WWOX: variants seen among roughly 807,000 people sequenced by gnomAD.
WWOX encodes the protein WW domain-containing oxidoreductase.
WWOX carries 69 observed loss-of-function variants against 46.2 expected under a neutral mutation model. That is an observed-to-expected ratio of 1.49 (90% CI 1.23 to 1.82). The LOEUF is 1.82. Among genes scored for constraint, WWOX ranks in the 40% most tolerant of loss-of-function variants. The pLI is 0.00. For synonymous variants in WWOX, 359 were observed against 202.6 expected (o/e 1.77, Z -6.56); for missense variants, 919 against 542.6 (o/e 1.69, Z -6.89).
At chr16:78,918,751 T>G (rs1468695569) in intron 8 of WWOX, among the ~76,000 whole-genome samples, 2 of 152,140 alleles carry the variant, frequency 1.3e-5, no homozygotes, top group African/African-American at 4.8e-5. Context: ...TTTCAGAAAT[T>G]CCAGAATTAA....
At chr16:78,721,814 C>G (rs538356213) in intron 8 of WWOX, among the ~76,000 whole-genome samples, 17 of 152,284 alleles carry the variant, frequency 1.1e-4, no homozygotes, top group Admixed American at 5.9e-4. Flanking sequence ...TCCTTTCCTA[C>G]GAATAAAGAG....
At chr16:78,293,322 G>T (rs2079888646) in intron 5 of WWOX, among the ~76,000 whole-genome samples, 1 of 152,180 alleles carries the variant, frequency 6.6e-6, no homozygotes, top group South Asian at 2.1e-4. Flanking sequence ...AGGCATTAAG[G>T]GTTGATTATC....
intron 8 of WWOX, among the ~76,000 whole-genome samples, chr16:78,907,611 G>C (rs1051408344): frequency 3.9e-5 from 6 of 152,300 alleles, no homozygotes; most frequent in African/African-American, 1.4e-4. Context: ...GATGGGGCTA[G>C]GTTAGATCAG....
intron 8 of WWOX, among the ~76,000 whole-genome samples, chr16:78,570,528 G>A (rs1330445877): frequency 1.3e-5 from 2 of 151,904 alleles, no homozygotes; most frequent in Non-Finnish European, 2.9e-5. Flanking sequence ...TGCTCAGGCT[G>A]GTCTCATATG....
chr16:78,556,520 A>G (rs769033394), intron 8 of WWOX, among the ~76,000 whole-genome samples: 2 of 152,130 alleles, frequency 1.3e-5, no homozygotes, highest in Non-Finnish European at 2.9e-5. Flanking sequence ...CAATTAGAGT[A>G]CAATTATAAA....
At chr16:78,100,819 T>C (rs765784501) in intron 1 of WWOX, among the ~76,000 whole-genome samples, 11 of 152,324 alleles carry the variant, frequency 7.2e-5, no homozygotes, top group East Asian at 3.9e-4. Flanking sequence ...GTGCCTCTTA[T>C]ATCGGCACCT....
chr16:78,267,072 A>G (rs909336647), intron 5 of WWOX: 2 of 163,032 alleles, frequency 1.2e-5, no homozygotes, highest in East Asian at 1.7e-4. Flanking sequence ...TGCCACCAGC[A>G]TGTAAGAAGT....
intron 8 of WWOX, among the ~76,000 whole-genome samples, chr16:78,951,832 A>C (rs2046066399): frequency 6.6e-6 from 1 of 152,182 alleles, no homozygotes; most frequent in Non-Finnish European, 1.5e-5. Flanking sequence ...AGTAAGAGGC[A>C]GTTCCTGGCA....
intron 8 of WWOX, among the ~76,000 whole-genome samples, chr16:78,756,375 T>C (rs73573716): frequency 0.039 from 5,985 of 152,026 alleles, 361 homozygotes; most frequent in African/African-American, 0.13. Flanking sequence ...TGAAGGCGGT[T>C]GAGATAGGAC....
At chr16:78,974,881 A>G (rs2046541148) in intron 8 of WWOX, among the ~76,000 whole-genome samples, 1 of 152,042 alleles carries the variant, frequency 6.6e-6, no homozygotes. Flanking sequence ...GCCCGGGGAG[A>G]CCTTGAAATG....
At chr16:78,814,858 C>G (rs2051289472) in intron 8 of WWOX, among the ~76,000 whole-genome samples, 1 of 152,206 alleles carries the variant, frequency 6.6e-6, no homozygotes, top group Non-Finnish European at 1.5e-5. Flanking sequence ...CCCTTGGGCT[C>G]TCTCGCGTGC....
At chr16:78,432,400 C>T (rs1035194628) in intron 7 of WWOX, 88 bp from the exon 8 acceptor site, 1 of 1,556,354 alleles carries the variant, frequency 6.4e-7, no homozygotes, top group Non-Finnish European at 8.8e-7. Flanking sequence ...GCCACTGCAC[C>T]CAGCATTCCT....
At chr16:78,342,430 G>A (rs1287233926) in intron 5 of WWOX, among the ~76,000 whole-genome samples, 1 of 121,024 alleles carries the variant, frequency 8.3e-6, no homozygotes, top group African/African-American at 2.8e-5. Context: ...CAAGGACTCT[G>A]TAACAGGATG....
At chr16:78,968,329 C>G (rs182865951) in intron 8 of WWOX, among the ~76,000 whole-genome samples, 17 of 152,288 alleles carry the variant, frequency 1.1e-4, no homozygotes, top group Admixed American at 1.0e-3. Context: ...ACCACCGACC[C>G]GAGGCAGGAA....
At chr16:78,201,177 T>A (rs1437609716) in intron 5 of WWOX, among the ~76,000 whole-genome samples, 1 of 152,236 alleles carries the variant, frequency 6.6e-6, no homozygotes, top group Non-Finnish European at 1.5e-5. Context: ...TGGCAGTGTA[T>A]TCCTTTTCTT....
At chr16:78,892,597 C>T (rs1175198905) in intron 8 of WWOX, among the ~76,000 whole-genome samples, 1 of 152,196 alleles carries the variant, frequency 6.6e-6, no homozygotes, top group Non-Finnish European at 1.5e-5. Context: ...CCACTTTTAC[C>T]TGTGTTATCT....
chr16:78,228,246 A>AAGGC (rs1322227430), intron 5 of WWOX, among the ~76,000 whole-genome samples: 3 of 152,120 alleles, frequency 2.0e-5, no homozygotes, highest in African/African-American at 7.2e-5. Flanking sequence ...ACTGGATGGG[A>AAGGC]AGGCAGGCAC....
chr16:79,041,990 G>A (rs1510217), intron 8 of WWOX, among the ~76,000 whole-genome samples: 4 of 152,054 alleles, frequency 2.6e-5, no homozygotes, highest in African/African-American at 9.7e-5. Flanking sequence ...TGCAAAATGG[G>A]TGCGAAATGT....
chr16:78,927,425 G>A (rs2045524091), intron 8 of WWOX, among the ~76,000 whole-genome samples: 1 of 152,132 alleles, frequency 6.6e-6, no homozygotes, highest in African/African-American at 2.4e-5. Context: ...CCATGTGTCT[G>A]TCTACATGTT....
Sources: gnomAD v4.1 joint callset for allele counts (sites outside exome capture counted in the v4.1 genomes callset) on GRCh38, gnomAD v4.1.1 for gene constraint, MANE v1.5 for transcripts, NCBI Gene and HGNC (gene_info 2026-07-23, HGNC 2026-07-21) for gene names.